The following PCDHA7 variants were observed in gnomAD, a reference collection of about 807,000 sequenced individuals.
PCDHA7 encodes the protein protocadherin alpha 7, also known as protocadherin alpha-7.
Under a neutral mutation model 57.2 loss-of-function variants are expected in PCDHA7, and 37 were observed. The ratio of observed to expected loss-of-function variants is 0.65; its 90% confidence interval spans 0.50 to 0.85. PCDHA7 has a LOEUF of 0.85. Among genes scored for constraint, PCDHA7 ranks in the 40% least tolerant of loss-of-function variants. The pLI is 0.00. For synonymous variants in PCDHA7, 553 were observed against 558.8 expected, an observed-to-expected ratio of 0.99 and a Z score of 0.15; for missense variants, 1,188 against 1,241.8, an observed-to-expected ratio of 0.96 and a Z score of 0.65.
In PCDHA7 at chr5:140,836,728, C is replaced by G. The variant is rs1286648701; in HGVS notation, c.2345C>G (p.Ser782Cys). The stretch of plus-strand genomic sequence containing the variant: ...CCCAGCCTTCCTCAGGGTCCATCCT[C>G]TACAGACAATGTGAGTCATAAATAA... Reference protein sequence around the residue: ...FSPSLPQGPSSTDNPRQPNPD... With the variant: ...FSPSLPQGPSCTDNPRQPNPD... Residue 782 changes from serine (S) to cysteine (C), a missense_variant, in exon 1 of 4, where the codon TCT (serine) becomes TGT (cysteine). Ser to Cys is a moderately radical substitution (Grantham distance 112, BLOSUM62 -1). Transcript: ENST00000525929. 5 of 1,610,268 alleles carry G rather than the reference C, an allele frequency of 3.1e-6. No individual in the cohort carries two copies. The African/African-American group carries it at 5.4e-5, about 17-fold the overall frequency.
chr5:140,876,726 G>T, intron 1 of PCDHA7: 1 of 1,614,264 alleles, frequency 6.2e-7, no homozygotes, highest in African/African-American at 1.3e-5. Context: ...GCGAGAGCGT[G>T]TCGGCCTATG....
rs1246162498 is a variant in PCDHA7, at chr5:140,856,839, A to G, written c.2355+20101A>G. ...AACCAAACATTAGTAATACGGCTCA[A>G]CGCTTCTGATTCGGATGAAGGAATA... is the stretch of plus-strand genomic sequence containing the variant. On this transcript the variant is annotated intron_variant, in intron 1 of 3. Coordinates refer to ENST00000525929, the MANE Select transcript of PCDHA7 (RefSeq NM_018910.3). 1.3e-6 allele frequency: 2 copies of G among 1,592,670 alleles called. No homozygotes were observed. The highest frequency in any genetic ancestry group is 1.3e-5 in the African/African-American group (1 of 74,342).
intron 1 of PCDHA7, among the ~76,000 whole-genome samples, chr5:140,889,199 T>C (rs1399579598): frequency 1.3e-5 from 2 of 151,896 alleles, no homozygotes; most frequent in African/African-American, 4.8e-5. Context: ...ATAACTTGAA[T>C]ACTTAACAAA....
intron 1 of PCDHA7, among the ~76,000 whole-genome samples, chr5:140,924,409 T>C (rs1554201915): frequency 6.6e-6 from 1 of 152,186 alleles, no homozygotes; most frequent in Non-Finnish European, 1.5e-5. Flanking sequence ...TATATCACAG[T>C]GTGCCCTTTC....
chr5:140,890,056 C>T (rs2062472126), intron 1 of PCDHA7, among the ~76,000 whole-genome samples: 1 of 152,124 alleles, frequency 6.6e-6, no homozygotes, highest in African/African-American at 2.4e-5. Flanking sequence ...GGAGCTGGCT[C>T]TTTTACTGGC....
Position 140,849,589 on chromosome 5 carries a change from T to C in PCDHA7, c.2355+12851T>C, listed in dbSNP as rs2150441752. On this transcript the variant is annotated intron_variant, in intron 1 of 3. Transcript: ENST00000525929. The stretch of plus-strand genomic sequence containing the variant: ...GTTCCTGTAAAAGAGGACGCACAAC[T>C]GGGGACAGTTATTGCCCTGATTAGT... 3.8e-6 allele frequency: 6 copies of C among 1,598,582 alleles called. No individual in the cohort carries two copies. The Admixed American group carries it at 6.7e-5, about 18-fold the overall frequency.
chr5:140,877,663 C>T (rs1554169960), intron 1 of PCDHA7: 22 of 1,613,432 alleles, frequency 1.4e-5, no homozygotes, highest in Admixed American at 1.7e-5. Context: ...CACCGTGAGC[C>T]GGTGCGCGCC....
intron 1 of PCDHA7, chr5:140,884,671 A>G (rs1554181819): frequency 1.3e-6 from 2 of 1,562,846 alleles, no homozygotes; most frequent in African/African-American, 2.7e-5. Context: ...AGGTAAGCTT[A>G]TATTTTAAAA....
intron 1 of PCDHA7, among the ~76,000 whole-genome samples, chr5:140,918,353 C>T (rs557694814): frequency 4.6e-5 from 7 of 152,236 alleles, no homozygotes; most frequent in African/African-American, 1.7e-4. Context: ...AGGTTGACTT[C>T]CTCTCTGCCT....
chr5:141,003,520 C>T (rs1171208921), intron 3 of PCDHA7, among the ~76,000 whole-genome samples: 2 of 152,126 alleles, frequency 1.3e-5, no homozygotes, highest in Admixed American at 6.5e-5. Flanking sequence ...ACCATGTTCC[C>T]TAGGCTGGTC....
At chr5:140,854,798 A>G (rs2043232983) in intron 1 of PCDHA7, 1 of 149,748 alleles carries the variant, frequency 6.7e-6, no homozygotes, top group African/African-American at 2.4e-5. Flanking sequence ...GAGAGAGAAA[A>G]AAATATTTTT....
At chr5:140,852,705 T>C in intron 1 of PCDHA7, 1 of 979,478 alleles carries the variant, frequency 1.0e-6, no homozygotes, top group Non-Finnish European at 1.2e-6. Context: ...TTCAAGTATC[T>C]TTGTCTTTGC....
At position 140,927,544 on chromosome 5, in the gene PCDHA7, C is replaced by G. The variant is rs1442526060; in HGVS notation, c.2356-51405C>G. 2.5e-6 allele frequency: 4 copies of G among 1,614,034 alleles called. No homozygotes were observed. The East Asian group carries it at 6.7e-5, about 27-fold the overall frequency. ...GCTACCTGCCCGCTCAGGAGACGCA[C>G]AAGTCACCATCATTGTGGTGGACAC... On this transcript the variant is annotated intron_variant, in intron 1 of 3. Transcript: ENST00000525929.
At chr5:140,883,763 G>T (rs782611304) in intron 1 of PCDHA7, 4 of 1,612,740 alleles carry the variant, frequency 2.5e-6, no homozygotes, top group Non-Finnish European at 3.4e-6. Flanking sequence ...GGAGCGGCGG[G>T]TGGGCGAGCG....
At chr5:140,999,526 C>G (rs1429753507) in intron 3 of PCDHA7, among the ~76,000 whole-genome samples, 1 of 152,026 alleles carries the variant, frequency 6.6e-6, no homozygotes, top group Non-Finnish European at 1.5e-5. Context: ...TTTGTTACCC[C>G]CTGGATATGA....
Position 140,836,313 on chromosome 5 carries a change from C to T in PCDHA7, c.1930C>T (p.Arg644Cys), listed in dbSNP as rs2150257393. 228 of 1,613,608 alleles carry T rather than the reference C, an allele frequency of 1.4e-4. 1 individual carries two copies. Among genetic ancestry groups the T allele is most frequent in the Non-Finnish European group, 1.4e-5 (16 of 1,179,840 alleles). The change falls in exon 1 of 4, where the codon CGC becomes TGC. Residue 644 changes from arginine to cysteine, a missense_variant. Arg to Cys is a radical substitution (Grantham distance 180). Coordinates refer to ENST00000525929, the MANE Select transcript of PCDHA7 (RefSeq NM_018910.3). ...TRALDETDAPRHRLLVLVKDH... is the reference protein window; with the variant it reads ...TRALDETDAPCHRLLVLVKDH... The stretch of plus-strand genomic sequence containing the variant: ...AGCCCTAGATGAGACGGACGCACCG[C>T]GCCACCGCCTTCTGGTGCTTGTGAA...
chr5:140,993,454 T>G (rs1343043993), intron 3 of PCDHA7, among the ~76,000 whole-genome samples: 1 of 133,974 alleles, frequency 7.5e-6, no homozygotes, highest in Non-Finnish European at 1.6e-5. Flanking sequence ...GTTCTCCTTC[T>G]TTCTTTCTCA....
At chr5:140,862,417 T>A (rs77196804) in intron 1 of PCDHA7, 1 of 351,262 alleles carries the variant, frequency 2.8e-6, no homozygotes, top group East Asian at 7.4e-5. Context: ...CAAAAGGCGC[T>A]GCCCAGAAAC....
intron 3 of PCDHA7, among the ~76,000 whole-genome samples, chr5:140,992,035 G>C (rs529236840): frequency 6.6e-6 from 1 of 151,988 alleles, no homozygotes; most frequent in South Asian, 2.1e-4. Flanking sequence ...GTGTGTGTGT[G>C]TGTGTGTGTG....
Sources: allele counts gnomAD v4.1 joint callset (sites outside exome capture counted in the v4.1 genomes callset), GRCh38; gene constraint gnomAD v4.1.1; transcripts MANE v1.5; gene names NCBI Gene and HGNC (gene_info 2026-07-23, HGNC 2026-07-21).